The following PIGQ variants were observed in gnomAD, a reference collection of about 807,000 sequenced individuals.
The protein encoded by PIGQ is phosphatidylinositol glycan anchor biosynthesis class Q, also known as phosphatidylinositol N-acetylglucosaminyltransferase subunit Q.
PIGQ carries 54 observed loss-of-function variants against 60.3 expected under a neutral mutation model. The observed-to-expected ratio is 0.90, with a 90% CI of 0.72 to 1.12. PIGQ has a LOEUF of 1.12. Ranked by LOEUF, PIGQ falls within the 50% of genes most tolerant of loss-of-function variation. The pLI is 0.00. For synonymous variants in PIGQ, 416 were observed against 363.7 expected (o/e 1.14, Z -1.64); for missense variants, 799 against 793.5 (o/e 1.01, Z -0.08).
intron 2 of PIGQ, among the ~76,000 whole-genome samples, chr16:575,148 C>T (rs1472848956): frequency 6.6e-6 from 1 of 152,198 alleles, no homozygotes; most frequent in African/African-American, 2.4e-5. Flanking sequence ...CTGCCTGTGC[C>T]CCCAGCAGGC....
At chr16:573,359 G>A (rs1418108845) in intron 1 of PIGQ, among the ~76,000 whole-genome samples, 1 of 152,066 alleles carries the variant, frequency 6.6e-6, no homozygotes, top group Non-Finnish European at 1.5e-5. Flanking sequence ...GGTGGCTGTG[G>A]GGATGTCAGG....
At chr16:578,192 G>T in intron 4 of PIGQ, 187 bp from the exon 5 acceptor site, 1 of 589,570 alleles carries the variant, frequency 1.7e-6, no homozygotes, top group Non-Finnish European at 2.9e-6. Context: ...CTCCAGACCA[G>T]CCTCCTCAGA....
chr16:573,807 C>T (rs778928375), intron 1 of PIGQ, among the ~76,000 whole-genome samples: 8 of 152,184 alleles, frequency 5.3e-5, no homozygotes, highest in Admixed American at 3.3e-4. Context: ...GCTGCATGTG[C>T]GTCCTGCCTC....
chr16:583,167 C>G lies in PIGQ; in HGVS notation c.*132C>G. The G allele has an allele frequency of 6.2e-7, 1 of 1,613,246 alleles. No individual in the cohort carries two copies. On this transcript the variant is annotated 3_prime_UTR_variant, in exon 11 of 11. Coordinates refer to ENST00000321878, the MANE Select transcript of PIGQ (RefSeq NM_004204.5). The stretch of plus-strand genomic sequence containing the variant: ...GCTGTGTGCTCCTGAACACGGCAGG[C>G]CCTGCTATCACACCTTGGGCTTGGA...
chr16:582,988 G>A lies in PIGQ; in HGVS notation c.1699G>A (p.Gly567Arg). 1.2e-6 allele frequency: 2 copies of A among 1,613,088 alleles called. No individual in the cohort carries two copies. Among genetic ancestry groups the A allele is most frequent in the Non-Finnish European group, 1.7e-6 (2 of 1,179,974 alleles). Residue 567 changes from glycine (G) to arginine (R), a missense_variant, in exon 11 of 11, where the codon GGG becomes AGG. Coordinates refer to ENST00000321878, the MANE Select transcript of PIGQ (RefSeq NM_004204.5). ...CGCCCTGTGCCGCAAGCTGTTCCTT[G>A]GGGAGCTCATCTACCCCTGGAGGCA... is the stretch of plus-strand genomic sequence containing the variant. ...WGALCRKLFL[G>R]ELIYPWRQRG...
rs536700422 is a variant in PIGQ at position 574,045 on chromosome 16, G to C, written c.-9-21G>C. 4 of 1,544,774 alleles carry C rather than the reference G, an allele frequency of 2.6e-6. No homozygotes were observed. In the African/African-American group the frequency reaches 5.4e-5, roughly 21 times the overall value. ...GGGGGCAGCAGCAGCTCTGAGCCGA[G>C]CCTCTCCTCTTCTCTTCCAGCCTCC... On this transcript the variant is annotated intron_variant, in intron 1 of 10. Coordinates refer to ENST00000321878, the MANE Select transcript of PIGQ (RefSeq NM_004204.5).
chr16:582,759 C>A, intron 10 of PIGQ, 124 bp from the exon 11 acceptor site: 1 of 1,093,770 alleles, frequency 9.1e-7, no homozygotes, highest in Non-Finnish European at 1.3e-6. Flanking sequence ...CTGGCTTCTC[C>A]CACAGGCAAG....
At chr16:576,454 C>T (rs2035720853) in intron 4 of PIGQ, 200 bp downstream of exon 4, 2 of 647,604 alleles carry the variant, frequency 3.1e-6, no homozygotes, top group East Asian at 2.8e-5. Flanking sequence ...CTCGCAGGTA[C>T]ACCCCCCTTT....
Position 583,808 on chromosome 16 carries a change from GC to G in PIGQ, c.*776del. The G allele has an allele frequency of 1.3e-6, 1 of 750,330 alleles. No individual in the cohort carries two copies. Among genetic ancestry groups the G allele is most frequent in the Non-Finnish European group, 2.3e-6 (1 of 436,748 alleles). 46.5% of individuals were successfully genotyped at this position (750,330 alleles called of 1,614,324 possible). A position where few individuals can be genotyped will look rare whatever the true frequency, so the allele number is the denominator to read the frequency against. On this transcript the variant is annotated 3_prime_UTR_variant, in exon 11 of 11. Coordinates refer to ENST00000321878, the MANE Select transcript of PIGQ (RefSeq NM_004204.5). The stretch of plus-strand genomic sequence containing the variant: ...CATGGGCCTCCCAGGGAAGGAGGAA[GC>G]CCTGCTGTGCAGACACCTCTGTGGC...
At position 583,916 on chromosome 16, in the gene PIGQ, G is replaced by A. The variant is rs1416570252; in HGVS notation, c.*881G>A. 2.8e-5 allele frequency: 14 copies of A among 504,264 alleles called. No homozygotes were observed. Among genetic ancestry groups the A allele is most frequent in the Admixed American group, 1.3e-4 (4 of 31,120 alleles). The allele number at this position is 504,264 out of a possible 1,614,324, so 31.2% of individuals were successfully genotyped here. A position where few individuals can be genotyped will look rare whatever the true frequency, so the allele number is the denominator to read the frequency against. On this transcript the variant is annotated 3_prime_UTR_variant, in exon 11 of 11. Coordinates refer to ENST00000321878, the MANE Select transcript of PIGQ (RefSeq NM_004204.5). ...CTGCCAGACGGCACGGTCTGGGTGC[G>A]GGTGTTCCCTGTGAGCCCGAGTCCG... is the stretch of plus-strand genomic sequence containing the variant.
chr16:573,896 G>A (rs576433123), intron 1 of PIGQ, among the ~76,000 whole-genome samples, 170 bp from the exon 2 acceptor site: 99 of 152,314 alleles, frequency 6.5e-4, no homozygotes, highest in African/African-American at 2.0e-3. Flanking sequence ...CATGGCCCAC[G>A]CGAGGCGGCA....
chr16:571,229 C>CTGTGTGTG (rs57285833), intron 1 of PIGQ, among the ~76,000 whole-genome samples: 4 of 4,360 alleles, frequency 9.2e-4, no homozygotes, highest in African/African-American at 4.4e-3. Context: ...TCTGGTTAGC[C>CTGTGTGTG]TGTGTGTGTG....
chr16:575,312 G>A lies in PIGQ; in HGVS notation c.690-527G>A, dbSNP rs530680599. ...GAAGCCCAAGGGCCCTGAGGGGCACGGGGGTAGCCCCGAGCTGTGGCTGAG... is the reference window on the plus strand; with the variant it reads ...GAAGCCCAAGGGCCCTGAGGGGCACAGGGGTAGCCCCGAGCTGTGGCTGAG... On this transcript the variant is annotated intron_variant, in intron 2 of 10. Transcript: ENST00000321878. Among the ~76,000 whole-genome samples the A allele has an allele frequency of 5.3e-5, 8 of 152,316 alleles. No individual in the cohort carries two copies. In the South Asian group the frequency reaches 8.3e-4, roughly 16 times the overall value.
At chr16:576,511 G>A in intron 4 of PIGQ, 1 of 573,186 alleles carries the variant, frequency 1.7e-6, no homozygotes, top group South Asian at 2.3e-5. Flanking sequence ...TGAGGCTCTG[G>A]GGAGCCCGCC....
At chr16:575,764 G>C (rs2035705604) in intron 2 of PIGQ, 75 bp from the exon 3 acceptor site, 1 of 1,438,918 alleles carries the variant, frequency 6.9e-7, no homozygotes, top group Non-Finnish European at 9.4e-7. Context: ...GGGTGTTTGT[G>C]GTCCCCTGCA....
At position 583,136 on chromosome 16, in the gene PIGQ, G is replaced by T. The variant is rs750609435; in HGVS notation, c.*101G>T. ...GCTGGCGCATGTCCTGTGCTTTGTG[G>T]ACGCTGCTGTGTGCTCCTGAACACG... On this transcript the variant is annotated 3_prime_UTR_variant, in exon 11 of 11. Transcript: ENST00000321878. The T allele has an allele frequency of 1.9e-5, 30 of 1,613,148 alleles. No homozygotes were observed. Among genetic ancestry groups the T allele is most frequent in the Non-Finnish European group, 2.1e-5 (25 of 1,179,982 alleles).
At chr16:571,682 C>T (rs146440197) in intron 1 of PIGQ, among the ~76,000 whole-genome samples, 189 of 151,194 alleles carry the variant, frequency 1.3e-3, no homozygotes, top group African/African-American at 4.3e-3. Context: ...CCGTCCCATA[C>T]CTCCTCTGCT....
chr16:579,955 G>A (rs910755785), intron 7 of PIGQ: 11 of 444,052 alleles, frequency 2.5e-5, no homozygotes, highest in Non-Finnish European at 2.8e-5. Context: ...GCCACGCACC[G>A]TCTTGGGTGG....
At position 583,243 on chromosome 16, in the gene PIGQ, TC is replaced by T. The variant is rs756735674; in HGVS notation, c.*210del. 4 of 1,612,896 alleles carry T rather than the reference TC, an allele frequency of 2.5e-6. No individual in the cohort carries two copies. In the South Asian group the frequency reaches 4.4e-5, roughly 18 times the overall value. ...GGGTGGCCAGCCAGGCTGGCCGCAC[TC>T]CATCACTGGCACTGCCTGCCTTGGG... On this transcript the variant is annotated 3_prime_UTR_variant, in exon 11 of 11. Transcript: ENST00000321878.
Sources: gnomAD v4.1 joint callset for allele counts (sites outside exome capture counted in the v4.1 genomes callset) on GRCh38, gnomAD v4.1.1 for gene constraint, MANE v1.5 for transcripts, NCBI Gene and HGNC (gene_info 2026-07-23, HGNC 2026-07-21) for gene names.